Variants in SNX13 observed in about 807,000 individuals in gnomAD.
The protein encoded by SNX13 is sorting nexin 13, also known as sorting nexin-13.
A neutral mutation model predicts 133.6 loss-of-function variants in SNX13; 45 were observed. That is an observed-to-expected ratio of 0.34 (90% confidence interval 0.27 to 0.43). SNX13 has a LOEUF of 0.43. Ranked by LOEUF, SNX13 falls within the 20% of genes least tolerant of loss-of-function variation. The pLI is 1.00. For missense variants in SNX13, 1,032 were observed against 1,145.1 expected (o/e 0.90, Z 1.43); for synonymous variants, 414 against 373.9 (o/e 1.11, Z -1.24).
chr7:17,860,615 C>T (rs1792559922), intron 9 of SNX13, among the ~76,000 whole-genome samples: 1 of 152,100 alleles, frequency 6.6e-6, no homozygotes, highest in Non-Finnish European at 1.5e-5. Context: ...ATCTTTAATC[C>T]ATTTTGAGTT....
chr7:17,799,162 A>C lies in SNX13; in HGVS notation c.2299-8T>G. Reference sequence around the variant, plus strand: ...TGGAATATTGTCATCCACCTGACAAAATATAAGAAATAAGAATAAGTTTGA... The same window carrying C: ...TGGAATATTGTCATCCACCTGACAACATATAAGAAATAAGAATAAGTTTGA... On this transcript the variant is annotated splice_region_variant and splice_polypyrimidine_tract_variant and intron_variant, in intron 22 of 25. Coordinates refer to ENST00000428135, the MANE Select transcript of SNX13 (RefSeq NM_015132.5). 2 of 1,586,894 alleles carry C rather than the reference A, an allele frequency of 1.3e-6. No individual in the cohort carries two copies. The highest frequency in any genetic ancestry group is 1.7e-6 in the Non-Finnish European group (2 of 1,168,640).
intron 21 of SNX13, among the ~76,000 whole-genome samples, chr7:17,802,969 A>T (rs1177768069): frequency 1.3e-5 from 2 of 152,138 alleles, no homozygotes; most frequent in African/African-American, 4.8e-5. Flanking sequence ...GATTGATGGT[A>T]ATGATGAACT....
At position 17,932,093 on chromosome 7, in the gene SNX13, C is replaced by A. The variant is rs550355729; in HGVS notation, c.12+8191G>T. Among the ~76,000 whole-genome samples the A allele has an allele frequency of 5.9e-5, 9 of 152,202 alleles. No individual in the cohort carries two copies. In the South Asian group the frequency reaches 1.7e-3, roughly 28 times the overall value. On this transcript the variant is annotated intron_variant, in intron 1 of 25. Transcript: ENST00000428135. ...ACAAATTGAAACAGTCAACAAAGTG[C>A]CATGAAAATCAGCATTATTGTACTA...
At chr7:17,912,811 C>T (rs2691568) in intron 1 of SNX13, among the ~76,000 whole-genome samples, 67,081 of 151,964 alleles carry the variant, frequency 0.44, 15,231 homozygotes, top group South Asian at 0.66. Flanking sequence ...AGGCCAGAGA[C>T]TGAAGCACTT....
chr7:17,917,997 C>CCA (rs1799741634), intron 1 of SNX13, among the ~76,000 whole-genome samples: 1 of 151,996 alleles, frequency 6.6e-6, no homozygotes, highest in South Asian at 2.1e-4. Context: ...AGAAATAAAG[C>CCA]CACACACCTA....
intron 5 of SNX13, among the ~76,000 whole-genome samples, chr7:17,887,920 G>A (rs1265572284): frequency 6.6e-6 from 1 of 151,578 alleles, no homozygotes; most frequent in East Asian, 1.9e-4. Flanking sequence ...ATAAAGGACT[G>A]TAAGTTAAAG....
chr7:17,882,188 T>C (rs988501918), intron 5 of SNX13: 1 of 152,220 alleles, frequency 6.6e-6, no homozygotes, highest in Non-Finnish European at 1.5e-5. Context: ...TTCACTTAGC[T>C]GTATCCTCTC....
chr7:17,809,419 C>T (rs1785737596), intron 20 of SNX13, among the ~76,000 whole-genome samples: 2 of 150,970 alleles, frequency 1.3e-5, no homozygotes, highest in African/African-American at 4.9e-5. Context: ...ATCAATGCAA[C>T]AAGAGCTAAC....
chr7:17,916,261 A>G (rs1296883164), intron 1 of SNX13, among the ~76,000 whole-genome samples: 2 of 152,192 alleles, frequency 1.3e-5, no homozygotes, highest in Non-Finnish European at 2.9e-5. Context: ...TCCAAAAACG[A>G]GCAGAAGAAT....
At chr7:17,861,768 A>G (rs1004376084) in intron 9 of SNX13, among the ~76,000 whole-genome samples, 1 of 152,226 alleles carries the variant, frequency 6.6e-6, no homozygotes, top group Non-Finnish European at 1.5e-5. Flanking sequence ...AAGGGATGCA[A>G]GATGCCAGAA....
chr7:17,876,678 C>T (rs1351236204), intron 5 of SNX13, among the ~76,000 whole-genome samples: 1 of 151,322 alleles, frequency 6.6e-6, no homozygotes, highest in Non-Finnish European at 1.5e-5. Flanking sequence ...TTAGAATACT[C>T]ATGAAAAAGG....
intron 1 of SNX13, among the ~76,000 whole-genome samples, chr7:17,914,147 G>A (rs1165077555): frequency 1.3e-5 from 2 of 150,648 alleles, no homozygotes; most frequent in Non-Finnish European, 2.9e-5. Flanking sequence ...AAGTTCAAAG[G>A]CCGATCCTGC....
At chr7:17,862,827 C>T (rs1792883918) in intron 9 of SNX13, among the ~76,000 whole-genome samples, 1 of 152,116 alleles carries the variant, frequency 6.6e-6, no homozygotes, top group African/African-American at 2.4e-5. Flanking sequence ...TCATCCTCCC[C>T]ACAGGAACAC....
intron 9 of SNX13, among the ~76,000 whole-genome samples, chr7:17,862,091 A>G (rs1422731977): frequency 6.6e-6 from 1 of 152,194 alleles, no homozygotes; most frequent in Admixed American, 6.5e-5. Flanking sequence ...TTTACTATAT[A>G]CGTAATTACA....
chr7:17,805,264 CGCAT>C (rs1272514317), intron 20 of SNX13, among the ~76,000 whole-genome samples: 2 of 122,340 alleles, frequency 1.6e-5, no homozygotes, highest in Admixed American at 8.1e-5. Flanking sequence ...TGCGCGCGCG[CGCAT>C]GCATGCACAT....
intron 22 of SNX13, 100 bp downstream of exon 22, chr7:17,801,488 A>C: frequency 1.0e-5 from 8 of 781,604 alleles, no homozygotes; most frequent in South Asian, 1.8e-5. Flanking sequence ...CACTTATAAT[A>C]TGTGCACATT....
At chr7:17,936,899 T>C (rs75885934) in intron 1 of SNX13, among the ~76,000 whole-genome samples, 2 of 150,804 alleles carry the variant, frequency 1.3e-5, no homozygotes, top group African/African-American at 4.9e-5. Flanking sequence ...GTAACTTTCA[T>C]GTACACTATG....
intron 10 of SNX13, 28 bp downstream of exon 10, chr7:17,850,798 T>C: frequency 6.9e-7 from 1 of 1,458,338 alleles, no homozygotes; most frequent in South Asian, 1.4e-5. Flanking sequence ...TTCAAAAAAA[T>C]ATATCTTAAA....
intron 17 of SNX13, among the ~76,000 whole-genome samples, chr7:17,825,593 C>G (rs1023577618): frequency 1.9e-4 from 29 of 152,170 alleles, no homozygotes; most frequent in Non-Finnish European, 1.2e-4. Context: ...TATTCAAGCA[C>G]TTCTTGAAGT....
Sources: allele counts gnomAD v4.1 joint callset (sites outside exome capture counted in the v4.1 genomes callset), GRCh38; gene constraint gnomAD v4.1.1; transcripts MANE v1.5; gene names NCBI Gene and HGNC (gene_info 2026-07-23, HGNC 2026-07-21).